The following ZNF420 variants were observed in gnomAD, a reference collection of about 807,000 sequenced individuals.
The protein encoded by ZNF420 is ATM and p53-associated KZNF protein.
Under a neutral mutation model 44.7 loss-of-function variants are expected in ZNF420, and 31 were observed. That is an observed-to-expected ratio of 0.69 (90% CI 0.52 to 0.94). The LOEUF is 0.94. ZNF420 is among the 40% of genes least tolerant of loss of function. ZNF420 has a pLI of 0.00. For missense variants in ZNF420, 681 were observed against 827.9 expected (o/e 0.82, Z 2.18); for synonymous variants, 245 against 267.4 (o/e 0.92, Z 0.82).
chr19:37,032,231 T>C (rs1412667471), intron 1 of ZNF420, among the ~76,000 whole-genome samples: 1 of 151,592 alleles, frequency 6.6e-6, no homozygotes, highest in Admixed American at 6.6e-5. Context: ...TCCCAGCTAC[T>C]GGGAGGCTGA....
chr19:37,073,206 C>T (rs1369064688), intron 1 of ZNF420, among the ~76,000 whole-genome samples: 1 of 151,918 alleles, frequency 6.6e-6, no homozygotes, highest in Non-Finnish European at 1.5e-5. Flanking sequence ...GACCCCATCT[C>T]TTTAAAAAAG....
intron 1 of ZNF420, among the ~76,000 whole-genome samples, chr19:37,038,485 T>C (rs1967396559): frequency 6.6e-6 from 1 of 152,234 alleles, no homozygotes; most frequent in African/African-American, 2.4e-5. Flanking sequence ...AGAATTTTTA[T>C]CAGAATTGGA....
At chr19:37,033,636 A>G (rs1366667584) in intron 1 of ZNF420, among the ~76,000 whole-genome samples, 2 of 152,220 alleles carry the variant, frequency 1.3e-5, no homozygotes, top group Non-Finnish European at 2.9e-5. Context: ...GGCTATCATG[A>G]ATGATGTTGC....
At chr19:37,013,256 G>A (rs1276517828) in intron 1 of ZNF420, among the ~76,000 whole-genome samples, 1 of 152,024 alleles carries the variant, frequency 6.6e-6, no homozygotes. Flanking sequence ...AGCAGCCCCC[G>A]CTCACTATTT....
chr19:37,107,016 G>A (rs1221976888), intron 4 of ZNF420: 4 of 152,172 alleles, frequency 2.6e-5, no homozygotes, highest in African/African-American at 9.7e-5. Context: ...CCCTAAGGTG[G>A]TTTTCTCCTA....
intron 4 of ZNF420, among the ~76,000 whole-genome samples, chr19:37,093,752 C>A (rs572351477): frequency 6.6e-6 from 1 of 152,148 alleles, no homozygotes; most frequent in Admixed American, 6.5e-5. Context: ...ATGAAACGTC[C>A]TCAATAGGGA....
intron 1 of ZNF420, among the ~76,000 whole-genome samples, chr19:37,014,078 G>T (rs2074591857): frequency 6.6e-6 from 1 of 152,190 alleles, no homozygotes; most frequent in South Asian, 2.1e-4. Flanking sequence ...CATTCAGGGA[G>T]GCCTACTGGA....
intron 4 of ZNF420, among the ~76,000 whole-genome samples, chr19:37,098,380 T>C (rs1487014291): frequency 6.6e-6 from 1 of 152,224 alleles, no homozygotes; most frequent in Non-Finnish European, 1.5e-5. Context: ...CATAGGTATC[T>C]ATTGCCTTTT....
At chr19:37,112,922 G>A (rs1465544446) in intron 4 of ZNF420, among the ~76,000 whole-genome samples, 1 of 152,140 alleles carries the variant, frequency 6.6e-6, no homozygotes, top group Admixed American at 6.5e-5. Flanking sequence ...GGGCTCCCTG[G>A]AAGCAGAGAG....
exon 1 of ZNF420, chr19:37,008,048 C>G: frequency 4.1e-6 from 1 of 244,304 alleles, no homozygotes; most frequent in Non-Finnish European, 8.0e-6. Context: ...AGCAGTACGG[C>G]GTCCCTGCCT....
intron 4 of ZNF420, among the ~76,000 whole-genome samples, chr19:37,102,476 AT>A (rs1969834185): frequency 6.6e-6 from 1 of 152,102 alleles, no homozygotes; most frequent in Non-Finnish European, 1.5e-5. Flanking sequence ...AGTGTGCATG[AT>A]TCCTCCTGGA....
intron 1 of ZNF420, among the ~76,000 whole-genome samples, chr19:37,051,283 T>C (rs931095985): frequency 6.6e-6 from 1 of 152,244 alleles, no homozygotes; most frequent in African/African-American, 2.4e-5. Context: ...TGGAATAGTT[T>C]CAGAAGGAAT....
intron 1 of ZNF420, among the ~76,000 whole-genome samples, chr19:37,059,371 G>T (rs1249318632): frequency 6.6e-6 from 1 of 152,236 alleles, no homozygotes; most frequent in Non-Finnish European, 1.5e-5. Flanking sequence ...CCGCCAATGC[G>T]CATGCGCGAG....
Position 37,091,123 on chromosome 19 carries a change from T to G in ZNF420, c.136+2T>G. ...ACTATAGCAACTTGGTATCACTAGG[T>G]AAGGAATCTAGCCTTCATATTTCAG... On this transcript the variant is annotated splice_donor_variant, in intron 4 of 4. Transcript: ENST00000337995. LOFTEE classifies it high-confidence loss of function. 6.3e-7 allele frequency: 1 copy of G among 1,578,256 alleles called. No individual in the cohort carries two copies. Among genetic ancestry groups the G allele is most frequent in the Non-Finnish European group, 8.6e-7 (1 of 1,163,674 alleles).
At chr19:37,115,760 G>C (rs1346548514) in intron 4 of ZNF420, among the ~76,000 whole-genome samples, 1 of 151,808 alleles carries the variant, frequency 6.6e-6, no homozygotes, top group Non-Finnish European at 1.5e-5. Context: ...GTGTTGGGCT[G>C]GGGGGCGGTC....
intron 2 of ZNF420, among the ~76,000 whole-genome samples, chr19:37,082,169 GTTA>G (rs1031753343): frequency 2.0e-5 from 3 of 151,516 alleles, no homozygotes; most frequent in Non-Finnish European, 2.9e-5. Context: ...TGTTGTTGTT[GTTA>G]CTGTTGTTGA....
chr19:37,075,223 A>C (rs189324047), upstream of ZNF420: 1 of 152,310 alleles, frequency 6.6e-6, no homozygotes, highest in East Asian at 1.9e-4. Context: ...CATAAATATG[A>C]AACTGGCATT....
chr19:37,123,599 CTTTTT>C (rs762782458), intron 4 of ZNF420, among the ~76,000 whole-genome samples: 4 of 80,358 alleles, frequency 5.0e-5, no homozygotes, highest in Admixed American at 1.8e-4. Context: ...TTACTCTTGT[CTTTTT>C]TTTTTTTTTT....
chr19:37,062,155 T>A (rs985683796), intron 1 of ZNF420, among the ~76,000 whole-genome samples: 2 of 152,160 alleles, frequency 1.3e-5, no homozygotes, highest in Non-Finnish European at 2.9e-5. Context: ...GACAGAATAG[T>A]TGTGTGTTTG....
Sources: allele counts gnomAD v4.1 joint callset (sites outside exome capture counted in the v4.1 genomes callset), GRCh38; gene constraint gnomAD v4.1.1; transcripts MANE v1.5; gene names NCBI Gene and HGNC (gene_info 2026-07-23, HGNC 2026-07-21).